Variants in DPY30 observed in about 807,000 individuals in gnomAD.
DPY30 encodes the protein protein dpy-30 homolog.
DPY30 carries 6 observed loss-of-function variants against 16.2 expected under a neutral mutation model. The ratio of observed to expected loss-of-function variants is 0.37; its 90% CI spans 0.20 to 0.73. The LOEUF (loss-of-function observed/expected upper bound fraction) is 0.73, where lower values mean the gene tolerates loss of function less well. Ranked by LOEUF, DPY30 falls within the 30% of genes least tolerant of loss-of-function variation. The pLI, the probability that DPY30 is intolerant of heterozygous loss-of-function variation, is 0.51. For synonymous variants in DPY30, 39 were observed against 38.8 expected (o/e 1.00, Z -0.02); for missense variants, 73 against 113.1 (o/e 0.65, Z 1.61).
At chr2:32,014,096 T>G (rs1054688105) in intron 5 of DPY30, among the ~76,000 whole-genome samples, 5 of 152,154 alleles carry the variant, frequency 3.3e-5, no homozygotes, top group Non-Finnish European at 7.4e-5. Flanking sequence ...CAATATTTAC[T>G]GCAGCATTCA....
chr2:32,019,586 C>T (rs1247167777), downstream of DPY30, among the ~76,000 whole-genome samples: 1 of 151,062 alleles, frequency 6.6e-6, no homozygotes, highest in African/African-American at 2.4e-5. Context: ...CTTTGGGAGG[C>T]CGAGGCAGGT....
At chr2:32,017,479 T>C (rs1403859028) in intron 5 of DPY30, among the ~76,000 whole-genome samples, 2 of 151,942 alleles carry the variant, frequency 1.3e-5, no homozygotes, top group Non-Finnish European at 2.9e-5. Context: ...TAGCCGGGCA[T>C]GGTGGCAGGC....
intron 3 of DPY30, among the ~76,000 whole-genome samples, chr2:32,037,004 T>G (rs78337508): frequency 0.013 from 1,924 of 152,330 alleles, 43 homozygotes; most frequent in African/African-American, 0.044. Flanking sequence ...GATAGCAAGC[T>G]TCTTTTCAGA....
chr2:32,022,192 AGAGC>A (rs1431070182), downstream of DPY30, among the ~76,000 whole-genome samples: 1 of 151,494 alleles, frequency 6.6e-6, no homozygotes, highest in Non-Finnish European at 1.5e-5. Context: ...CCTGAGTGAC[AGAGC>A]GAGACCTTGT....
At chr2:32,023,162 T>G (rs143079585), downstream of DPY30, among the ~76,000 whole-genome samples, 1,469 of 151,100 alleles carry the variant, frequency 9.7e-3, 25 homozygotes, top group South Asian at 0.048. Context: ...TGTCTAGACA[T>G]CAACAAATGT....
intron 3 of DPY30, among the ~76,000 whole-genome samples, chr2:32,033,869 A>G (rs1375388751): frequency 6.6e-6 from 1 of 152,198 alleles, no homozygotes. Context: ...ACAAACAAAC[A>G]ATGAGCTGAT....
rs559019371 is a variant in DPY30, at chr2:32,018,688, C to T, written n.377+4734G>A. ...GTTGCAGAGAGCATGCCATTGCACT[C>T]CAGCATGGGCGAGAGAGCGAGACTC... On this transcript the variant is annotated intron_variant and non_coding_transcript_variant, in intron 5 of 5. Coordinates refer to the DPY30 transcript ENST00000414013. Among the ~76,000 whole-genome samples, 390 of 151,666 alleles carry T rather than the reference C, an allele frequency of 2.6e-3. 3 individuals carry two copies. Among genetic ancestry groups the T allele is most frequent in the Non-Finnish European group, 4.5e-3 (309 of 67,960 alleles).
intron 5 of DPY30, among the ~76,000 whole-genome samples, chr2:32,017,261 A>G (rs1049584669): frequency 6.6e-6 from 1 of 152,210 alleles, no homozygotes; most frequent in Non-Finnish European, 1.5e-5. Flanking sequence ...TTACCTCAGT[A>G]AAATACACTG....
At chr2:32,038,701 G>C (rs1054946348) in intron 3 of DPY30, among the ~76,000 whole-genome samples, 3 of 128,766 alleles carry the variant, frequency 2.3e-5, no homozygotes, top group Non-Finnish European at 3.1e-5. Context: ...CCAGGCTGTA[G>C]TGCAGTGGCG....
intron 3 of DPY30, among the ~76,000 whole-genome samples, chr2:32,038,033 A>G (rs1189004337): frequency 1.3e-5 from 2 of 151,964 alleles, no homozygotes; most frequent in Non-Finnish European, 2.9e-5. Flanking sequence ...GAAGTTCAGT[A>G]ACTTGTTCAA....
intron 3 of DPY30, among the ~76,000 whole-genome samples, chr2:32,031,346 G>A (rs1273150670): frequency 2.0e-5 from 3 of 150,416 alleles, no homozygotes; most frequent in Non-Finnish European, 3.0e-5. Flanking sequence ...CTTGAACCTG[G>A]GAGGTGAAGG....
At chr2:32,030,170 C>T (rs1010021600) in intron 3 of DPY30, among the ~76,000 whole-genome samples, 4 of 151,880 alleles carry the variant, frequency 2.6e-5, no homozygotes, top group Non-Finnish European at 5.9e-5. Flanking sequence ...AAGGCTTATA[C>T]ACTCAAGAGA....
chr2:32,023,352 T>A, downstream of DPY30: 1 of 456,040 alleles, frequency 2.2e-6, no homozygotes, highest in Non-Finnish European at 4.5e-6. Context: ...TGCTGCTTTT[T>A]ATTGCAAAGA....
chr2:32,013,501 T>C (rs1675007208), intron 5 of DPY30: 1 of 152,170 alleles, frequency 6.6e-6, no homozygotes, highest in Non-Finnish European at 1.5e-5. Flanking sequence ...TTTATTCACC[T>C]CCCCTAAATT....
intron 5 of DPY30, among the ~76,000 whole-genome samples, chr2:32,012,728 G>A (rs1310456948): frequency 2.0e-5 from 3 of 152,054 alleles, no homozygotes; most frequent in African/African-American, 7.2e-5. Flanking sequence ...ATGAGCCATC[G>A]CACCCAGGCC....
downstream of DPY30, among the ~76,000 whole-genome samples, chr2:32,021,777 T>C (rs914566856): frequency 9.2e-5 from 14 of 152,054 alleles, no homozygotes; most frequent in African/African-American, 1.7e-4. Flanking sequence ...ATAATACTTA[T>C]ATTATGTACA....
rs557660142 is a variant in DPY30, at chr2:32,039,802, C to T, written c.-106G>A. The T allele has an allele frequency of 1.1e-5, 4 of 365,828 alleles. No homozygotes were observed. In the East Asian group the frequency reaches 1.5e-4, roughly 13 times the overall value. The allele number at this position is 365,828 out of a possible 1,614,324, so 22.7% of individuals were successfully genotyped here. On this transcript the variant is annotated 5_prime_UTR_variant, in exon 1 of 5. Coordinates refer to ENST00000342166, the MANE Select transcript of DPY30 (RefSeq NM_001321209.2). The stretch of plus-strand genomic sequence containing the variant: ...CAGCTCCCAGCACAAACAGCTCCGG[C>T]CGTAAGTGACGGCTGTCGCACGACT...
intron 4 of DPY30, among the ~76,000 whole-genome samples, chr2:32,026,547 T>C (rs911852859): frequency 6.6e-6 from 1 of 152,340 alleles, no homozygotes; most frequent in Non-Finnish European, 1.5e-5. Flanking sequence ...TCCCAACACT[T>C]CAGGAGGCCG....
chr2:32,025,420 G>A (rs146172877), intron 4 of DPY30, among the ~76,000 whole-genome samples: 2 of 151,878 alleles, frequency 1.3e-5, no homozygotes, highest in African/African-American at 4.8e-5. Flanking sequence ...CCGAGATCAT[G>A]CCACTGTACT....
Sources: allele counts gnomAD v4.1 joint callset (sites outside exome capture counted in the v4.1 genomes callset), GRCh38; gene constraint gnomAD v4.1.1; transcripts MANE v1.5; gene names NCBI Gene and HGNC (gene_info 2026-07-23, HGNC 2026-07-21).